Variants in AVEN observed in about 807,000 individuals in gnomAD.
AVEN encodes the protein apoptosis and caspase activation inhibitor.
Under a neutral mutation model 38.1 loss-of-function variants are expected in AVEN, and 41 were observed. The observed-to-expected ratio is 1.08, with a 90% CI of 0.84 to 1.40. The LOEUF (loss-of-function observed/expected upper bound fraction) is 1.40. Ranked by LOEUF, AVEN falls within the 40% of genes most tolerant of loss-of-function variation. AVEN has a pLI of 0.00. For missense variants in AVEN, 605 were observed against 438.8 expected (o/e 1.38, Z -3.38); for synonymous variants, 206 against 171.8 (o/e 1.20, Z -1.56).
intron 1 of AVEN, among the ~76,000 whole-genome samples, chr15:34,023,157 G>A (rs1707396384): frequency 2.0e-5 from 3 of 152,044 alleles, no homozygotes; most frequent in Admixed American, 1.3e-4. Context: ...CTCCAGCCTG[G>A]CAACAGAGCG....
At chr15:33,913,775 A>G (rs1339916411) in intron 2 of AVEN, among the ~76,000 whole-genome samples, 3 of 150,772 alleles carry the variant, frequency 2.0e-5, no homozygotes, top group Non-Finnish European at 4.4e-5. Flanking sequence ...CTCTCCCACC[A>G]CTTCTCATTA....
At chr15:33,925,277 G>A (rs1893567609) in intron 2 of AVEN, among the ~76,000 whole-genome samples, 1 of 152,162 alleles carries the variant, frequency 6.6e-6, no homozygotes, top group South Asian at 2.1e-4. Context: ...ATTAATGTTA[G>A]CATTAGATGG....
intron 2 of AVEN, among the ~76,000 whole-genome samples, chr15:33,951,185 G>A (rs923867728): frequency 2.0e-5 from 3 of 152,000 alleles, no homozygotes; most frequent in Non-Finnish European, 4.4e-5. Flanking sequence ...ATTCCTATGC[G>A]CAGCACCAAA....
chr15:33,981,184 A>T (rs906363536), intron 2 of AVEN, among the ~76,000 whole-genome samples: 1 of 152,236 alleles, frequency 6.6e-6, no homozygotes, highest in African/African-American at 2.4e-5. Flanking sequence ...GAAAAATATT[A>T]ACAGCGATGC....
chr15:34,000,614 A>C (rs948849645), intron 2 of AVEN, among the ~76,000 whole-genome samples: 13 of 152,234 alleles, frequency 8.5e-5, no homozygotes, highest in Non-Finnish European at 1.9e-4. Flanking sequence ...TTCAAGGAGT[A>C]TGGTCAGCTT....
intron 5 of AVEN, among the ~76,000 whole-genome samples, chr15:34,062,312 T>C (rs113708468): frequency 0.015 from 2,294 of 152,222 alleles, 69 homozygotes; most frequent in African/African-American, 0.054. Context: ...TCCCAGCACT[T>C]TGGGAGGCCG....
In AVEN at chr15:34,038,912, C is replaced by CCCGCCTCCGTCCCCGCCGCCGCCT. The variant is rs1555519420; in HGVS notation, c.134_135insAGGCGGCGGCGGGGACGGAGGCGG (p.Gly45_Asp46insGlyGlyGlyGlyAspGlyGlyGly). The stretch of plus-strand genomic sequence containing the variant: ...CACGGCCCCGGCGTCCGCCTCCGTC[C>CCCGCCTCCGTCCCCGCCGCCGCCT]CCGCCGCCGCCTCCGCCGCCGCCTC... On this transcript the variant is annotated inframe_insertion, in exon 1 of 6. Transcript: ENST00000306730. The CCCGCCTCCGTCCCCGCCGCCGCCT allele has an allele frequency of 1.8e-6, 2 of 1,111,460 alleles. No homozygotes were observed. The highest frequency in any genetic ancestry group is 3.4e-5 in the African/African-American group (2 of 59,256). 68.8% of individuals were successfully genotyped at this position (1,111,460 alleles called of 1,614,324 possible).
Position 33,866,511 on chromosome 15 carries a change from T to C in AVEN, c.*102A>G. On this transcript the variant is annotated 3_prime_UTR_variant, in exon 6 of 6. Transcript: ENST00000306730. ...TGTGAGCATAATGGAACACACTAGCTTGAGACATGCTTGTAAACTGGCTGG... is the reference window on the plus strand; with the variant it reads ...TGTGAGCATAATGGAACACACTAGCCTGAGACATGCTTGTAAACTGGCTGG... 2.5e-6 allele frequency: 2 copies of C among 796,994 alleles called. No individual in the cohort carries two copies. The highest frequency in any genetic ancestry group is 3.3e-5 in the South Asian group (2 of 60,340). The allele number at this position is 796,994 out of a possible 1,614,324, so 49.4% of individuals were successfully genotyped here.
Position 33,944,048 on chromosome 15 carries a change from A to T in AVEN, c.445+58984T>A, listed in dbSNP as rs540510957. On this transcript the variant is annotated intron_variant, in intron 2 of 5. Coordinates refer to ENST00000306730, the MANE Select transcript of AVEN (RefSeq NM_020371.3). Reference sequence around the variant, plus strand: ...CACACCTGGCCTAGTCACAATTTTTAAAAATGTTTTTGATTAATTCATTTG... The same window carrying T: ...CACACCTGGCCTAGTCACAATTTTTTAAAATGTTTTTGATTAATTCATTTG... Among the ~76,000 whole-genome samples the T allele has an allele frequency of 2.6e-3, 390 of 152,190 alleles. 1 individual carries two copies. Among genetic ancestry groups the T allele is most frequent in the Middle Eastern group, 0.01 (3 of 294 alleles).
intron 5 of AVEN, among the ~76,000 whole-genome samples, chr15:34,062,045 A>C (rs1251193686): frequency 1.3e-5 from 2 of 152,110 alleles, no homozygotes; most frequent in East Asian, 3.9e-4. Context: ...GCTTCTCAAC[A>C]ATCCATTTTT....
In AVEN at chr15:33,871,116, T is replaced by C; in HGVS notation, c.517-86A>G. On this transcript the variant is annotated intron_variant, in intron 3 of 5. Transcript: ENST00000306730. ...AAAGAAGAAACTGTAAATAATCCAC[T>C]GGAGTTACATTTGGCTAGGAATAAG... 4 of 864,158 alleles carry C rather than the reference T, an allele frequency of 4.6e-6. No individual in the cohort carries two copies. The South Asian group carries it at 1.1e-4, about 23-fold the overall frequency. The allele number at this position is 864,158 out of a possible 1,614,324, so 53.5% of individuals were successfully genotyped here.
intron 2 of AVEN, among the ~76,000 whole-genome samples, chr15:33,963,070 GAAGGAAAAAGAGCACTAA>G (rs1330592225): frequency 6.6e-6 from 1 of 151,982 alleles, no homozygotes; most frequent in Non-Finnish European, 1.5e-5. Flanking sequence ...GCCTATATGA[GAAGGAAAAAGAGCACTAA>G]AATTTATTGT....
intron 2 of AVEN, among the ~76,000 whole-genome samples, chr15:33,955,568 C>A (rs754078950): frequency 6.6e-6 from 1 of 152,050 alleles, no homozygotes; most frequent in South Asian, 2.1e-4. Context: ...ATGATAGTTT[C>A]ATTTTAAAGA....
At chr15:34,032,360 C>T (rs968088615) in intron 1 of AVEN, among the ~76,000 whole-genome samples, 5 of 152,056 alleles carry the variant, frequency 3.3e-5, no homozygotes, top group Non-Finnish European at 7.4e-5. Context: ...AATAAGAAAA[C>T]CAACAATGAC....
chr15:34,008,977 G>C (rs627577), intron 1 of AVEN, among the ~76,000 whole-genome samples: 130,596 of 148,630 alleles, frequency 0.88, 56,810 homozygotes, highest in East Asian at 0.98. Flanking sequence ...CACACACACA[G>C]ACCATCGAGA....
At chr15:33,943,638 C>G (rs1894400561) in intron 2 of AVEN, among the ~76,000 whole-genome samples, 2 of 152,104 alleles carry the variant, frequency 1.3e-5, no homozygotes, top group African/African-American at 4.8e-5. Context: ...GAGTTTGAGA[C>G]TAGCCTGGCC....
chr15:33,980,639 GGAGT>G (rs200039405), intron 2 of AVEN, among the ~76,000 whole-genome samples: 319 of 151,760 alleles, frequency 2.1e-3, no homozygotes, highest in African/African-American at 7.2e-3. Context: ...GAAAGAAAAG[GGAGT>G]GACACACAGA....
chr15:34,057,022 C>T (rs1179461110), intron 5 of AVEN, among the ~76,000 whole-genome samples: 1 of 152,062 alleles, frequency 6.6e-6, no homozygotes, highest in Non-Finnish European at 1.5e-5. Flanking sequence ...GTTAGCACCA[C>T]AAAGCATCTA....
intron 2 of AVEN, among the ~76,000 whole-genome samples, chr15:33,881,594 C>T (rs1891487536): frequency 6.6e-6 from 1 of 152,194 alleles, no homozygotes; most frequent in Admixed American, 6.5e-5. Flanking sequence ...GTGTACAAAC[C>T]TGAAACTATG....
Sources: allele counts gnomAD v4.1 joint callset (sites outside exome capture counted in the v4.1 genomes callset), GRCh38; gene constraint gnomAD v4.1.1; transcripts MANE v1.5; gene names NCBI Gene and HGNC (gene_info 2026-07-23, HGNC 2026-07-21).